ZNF536: variants seen among roughly 807,000 people sequenced by gnomAD.
ZNF536 encodes zinc finger protein 536.
A neutral mutation model predicts 84.5 loss-of-function variants in ZNF536; 13 were observed. That is an observed-to-expected ratio of 0.15 (90% CI 0.10 to 0.24). ZNF536 has a LOEUF of 0.24. ZNF536 is among the 10% of genes least tolerant of loss of function. The probability of loss-of-function intolerance (pLI) is 1.00; values close to 1 mark genes in which losing one functional copy is unlikely to be tolerated. For synonymous variants in ZNF536, 811 were observed against 742.5 expected, an observed-to-expected ratio of 1.09 and a Z score of -1.50; for missense variants, 1,536 against 1,747.5, an observed-to-expected ratio of 0.88 and a Z score of 2.16.
At chr19:30,668,138 A>G (rs2050404591) in intron 1 of ZNF536, among the ~76,000 whole-genome samples, 1 of 152,144 alleles carries the variant, frequency 6.6e-6, no homozygotes, top group South Asian at 2.1e-4. Flanking sequence ...TTAGAAAAAA[A>G]ATTTTTAGTT....
At position 30,571,345 on chromosome 19, in the gene ZNF536, C is replaced by T. The variant is rs572050442; in HGVS notation, c.169+21831C>T. On this transcript the variant is annotated intron_variant, in intron 1 of 1. Transcript: ENST00000592773. ...ATGGCTTTTGCAGGTCTGCTCGGGA[C>T]TTCAGTGAAATATAAAGTTGGGAAT... Among the ~76,000 whole-genome samples, 8 of 152,170 alleles carry T rather than the reference C, an allele frequency of 5.3e-5. No individual in the cohort carries two copies. In the East Asian group the frequency reaches 5.8e-4, roughly 11 times the overall value.
At chr19:30,552,810 C>T (rs1351028723) in intron 4 of ZNF536, among the ~76,000 whole-genome samples, 4 of 152,070 alleles carry the variant, frequency 2.6e-5, no homozygotes, top group Admixed American at 6.5e-5. Context: ...ATGACAGTGT[C>T]GAGAGCTTCA....
At chr19:30,339,421 C>G (rs1229448973) in intron 2 of ZNF536, among the ~76,000 whole-genome samples, 1 of 152,218 alleles carries the variant, frequency 6.6e-6, no homozygotes, top group Non-Finnish European at 1.5e-5. Flanking sequence ...CACTCATCTG[C>G]TGGGTGAGGT....
intron 2 of ZNF536, among the ~76,000 whole-genome samples, chr19:30,329,447 G>T (rs1015981740): frequency 9.2e-5 from 14 of 152,182 alleles, no homozygotes; most frequent in Non-Finnish European, 1.9e-4. Flanking sequence ...CTGTTCTACA[G>T]AATATCTGCT....
intron 2 of ZNF536, among the ~76,000 whole-genome samples, chr19:30,478,294 G>A (rs909964100): frequency 6.6e-6 from 1 of 152,112 alleles, no homozygotes; most frequent in African/African-American, 2.4e-5. Context: ...TTCAAGGTTG[G>A]GAGGGTCTTA....
At chr19:30,394,209 G>T (rs1303891833) in intron 1 of ZNF536, among the ~76,000 whole-genome samples, 1 of 152,106 alleles carries the variant, frequency 6.6e-6, no homozygotes, top group African/African-American at 2.4e-5. Context: ...TTCCTTAAAC[G>T]ACTTTCCTTT....
At chr19:30,489,932 A>G (rs1280965036) in intron 2 of ZNF536, among the ~76,000 whole-genome samples, 1 of 152,246 alleles carries the variant, frequency 6.6e-6, no homozygotes, top group African/African-American at 2.4e-5. Context: ...TTGGTCATAG[A>G]TTGCTCTGAC....
chr19:30,389,058 C>T (rs2049468217), intron 1 of ZNF536, among the ~76,000 whole-genome samples: 1 of 152,254 alleles, frequency 6.6e-6, no homozygotes, highest in Non-Finnish European at 1.5e-5. Flanking sequence ...CCAGGCTCCT[C>T]TTACCATGAG....
chr19:30,276,884 T>A (rs1380208229), intron 1 of ZNF536, among the ~76,000 whole-genome samples: 1 of 152,066 alleles, frequency 6.6e-6, no homozygotes, highest in Non-Finnish European at 1.5e-5. Context: ...GCAAAAAGAT[T>A]TAAGGAATAT....
intron 1 of ZNF536, among the ~76,000 whole-genome samples, chr19:30,410,608 G>A (rs1282356781): frequency 1.3e-5 from 2 of 151,958 alleles, no homozygotes; most frequent in Non-Finnish European, 2.9e-5. Context: ...CCGCGTAGCT[G>A]GGACTACAGG....
intron 1 of ZNF536, among the ~76,000 whole-genome samples, chr19:30,617,332 A>ATTTTTT (rs1491527791): frequency 2.2e-4 from 4 of 18,294 alleles, no homozygotes; most frequent in Non-Finnish European, 4.7e-4. Flanking sequence ...TGAATAGCTT[A>ATTTTTT]CTTTTTTTTT....
rs2146250034 is a variant in ZNF536 at position 30,549,315 on chromosome 19, G to A, written c.3696G>A (p.Gln1232=). The part of the protein sequence containing the change: ...VSPLSQAPEK[Q]WHSQGLLQAQ... Reference sequence around the variant, plus strand: ...CTTTATCCCAAGCACCGGAGAAGCAGTGGCACAGCCAGGGTCTTCTCCAAG... The same window carrying A: ...CTTTATCCCAAGCACCGGAGAAGCAATGGCACAGCCAGGGTCTTCTCCAAG... Residue 1232 remains glutamine (Q), a synonymous_variant, in exon 4 of 5, where the codon CAG becomes CAA. Coordinates refer to ENST00000355537, the MANE Select transcript of ZNF536 (RefSeq NM_014717.3). 1 of 1,612,226 alleles carries A rather than the reference G, an allele frequency of 6.2e-7. No individual in the cohort carries two copies. The highest frequency in any genetic ancestry group is 8.5e-7 in the Non-Finnish European group (1 of 1,179,092).
At chr19:30,414,559 T>C (rs1205764612) in intron 1 of ZNF536, among the ~76,000 whole-genome samples, 2 of 151,906 alleles carry the variant, frequency 1.3e-5, no homozygotes, top group Non-Finnish European at 2.9e-5. Flanking sequence ...ACATTTTAAA[T>C]GTGTGTGTGT....
chr19:30,373,945 C>G (rs2048708772), intron 1 of ZNF536, among the ~76,000 whole-genome samples: 1 of 152,248 alleles, frequency 6.6e-6, no homozygotes, highest in Non-Finnish European at 1.5e-5. Context: ...GCCCACCCGC[C>G]GCCCGCCTGT....
At chr19:30,562,252 G>A (rs960067017), downstream of ZNF536, among the ~76,000 whole-genome samples, 3 of 152,118 alleles carry the variant, frequency 2.0e-5, no homozygotes, top group Non-Finnish European at 2.9e-5. Flanking sequence ...GACCCTGTCA[G>A]TCCTGGAGTC....
chr19:30,421,850 G>T (rs924543642), intron 1 of ZNF536, among the ~76,000 whole-genome samples: 3 of 152,194 alleles, frequency 2.0e-5, no homozygotes, highest in African/African-American at 7.2e-5. Flanking sequence ...GGCCAGGGCC[G>T]GCTGCAGGCA....
intron 1 of ZNF536, among the ~76,000 whole-genome samples, chr19:30,265,527 C>T (rs970681498): frequency 6.6e-6 from 1 of 152,176 alleles, no homozygotes; most frequent in African/African-American, 2.4e-5. Flanking sequence ...TCTGAGGCGC[C>T]TTGTCCACCC....
At chr19:30,576,763 A>T (rs913643860) in intron 1 of ZNF536, among the ~76,000 whole-genome samples, 6 of 152,066 alleles carry the variant, frequency 3.9e-5, no homozygotes, top group African/African-American at 1.4e-4. Flanking sequence ...CCACGTGGGG[A>T]CTGGAGGCTT....
At chr19:30,330,954 T>C (rs1419512213) in intron 2 of ZNF536, among the ~76,000 whole-genome samples, 9 of 152,070 alleles carry the variant, frequency 5.9e-5, no homozygotes, top group Non-Finnish European at 4.4e-5. Context: ...CTACTGCACT[T>C]CCAGCAATGG....
Sources: gnomAD v4.1 joint callset for allele counts (sites outside exome capture counted in the v4.1 genomes callset) on GRCh38, gnomAD v4.1.1 for gene constraint, MANE v1.5 for transcripts, NCBI Gene and HGNC (gene_info 2026-07-23, HGNC 2026-07-21) for gene names.